Variants in NCKAP5 observed in about 807,000 individuals in gnomAD.
NCKAP5 encodes NCK associated protein 5.
NCKAP5 carries 92 observed loss-of-function variants against 167.0 expected under a neutral mutation model. The ratio of observed to expected loss-of-function variants is 0.55; its 90% CI spans 0.47 to 0.66. The LOEUF (loss-of-function observed/expected upper bound fraction) is 0.66. Ranked by LOEUF, NCKAP5 falls within the 30% of genes least tolerant of loss-of-function variation. NCKAP5 has a pLI of 0.00. For missense variants in NCKAP5, 2,378 were observed against 2,315.0 expected (o/e 1.03, Z -0.56); for synonymous variants, 891 against 877.4 (o/e 1.02, Z -0.27).
At chr2:133,667,525 C>T in the NCKAP5 span, among the ~76,000 whole-genome samples, 6 of 152,038 alleles carry the variant, frequency 3.9e-5, no homozygotes, top group African/African-American at 1.5e-4. Flanking sequence ...GGCTGATTCC[C>T]TATCCTAACT....
At chr2:133,431,429 T>G (rs1227310515) in intron 3 of NCKAP5, among the ~76,000 whole-genome samples, 1 of 152,132 alleles carries the variant, frequency 6.6e-6, no homozygotes, top group Non-Finnish European at 1.5e-5. Context: ...AGGAGAGAGG[T>G]GTAGACAACC....
At chr2:132,887,152 G>C (rs1692292310) in intron 8 of NCKAP5, among the ~76,000 whole-genome samples, 1 of 152,076 alleles carries the variant, frequency 6.6e-6, no homozygotes, top group Admixed American at 6.6e-5. Flanking sequence ...CAGAGTCTTT[G>C]AGATTGCAAA....
At chr2:133,102,219 T>TCTCTGCAAC (rs1380670035) in intron 6 of NCKAP5, among the ~76,000 whole-genome samples, 1 of 152,196 alleles carries the variant, frequency 6.6e-6, no homozygotes, top group African/African-American at 2.4e-5. Context: ...CGATCTCGGC[T>TCTCTGCAAC]CTCTGCAACC....
At chr2:132,951,593 T>A (rs1448386172) in intron 8 of NCKAP5, among the ~76,000 whole-genome samples, 1 of 152,186 alleles carries the variant, frequency 6.6e-6, no homozygotes, top group Non-Finnish European at 1.5e-5. Flanking sequence ...ATGAATTAGA[T>A]CACCCTCAAA....
At chr2:132,956,491 A>G (rs1300924432) in intron 8 of NCKAP5, among the ~76,000 whole-genome samples, 2 of 152,166 alleles carry the variant, frequency 1.3e-5, no homozygotes, top group African/African-American at 2.4e-5. Context: ...TCATCTCCCT[A>G]GCCTGCTTGC....
chr2:133,095,246 T>A (rs2081308526), intron 6 of NCKAP5, among the ~76,000 whole-genome samples: 1 of 152,260 alleles, frequency 6.6e-6, no homozygotes, highest in African/African-American at 2.4e-5. Context: ...TAGGAATCTA[T>A]GTGAATTAAT....
At chr2:133,086,754 C>T (rs1446417392) in intron 6 of NCKAP5, among the ~76,000 whole-genome samples, 1 of 151,976 alleles carries the variant, frequency 6.6e-6, no homozygotes, top group Non-Finnish European at 1.5e-5. Context: ...AGAAATAAAA[C>T]TAACTTTTCA....
At chr2:132,720,152 C>T (rs1326978582) in intron 19 of NCKAP5, among the ~76,000 whole-genome samples, 1 of 152,182 alleles carries the variant, frequency 6.6e-6, no homozygotes, top group Non-Finnish European at 1.5e-5. Flanking sequence ...CTGTTGTCCC[C>T]CGCACATGCC....
intron 16 of NCKAP5, among the ~76,000 whole-genome samples, chr2:132,766,441 C>A (rs753822771): frequency 1.3e-5 from 2 of 152,102 alleles, no homozygotes; most frequent in African/African-American, 4.8e-5. Context: ...CTTATTTAAA[C>A]CATGGCACTT....
At position 133,284,976 on chromosome 2, in the gene NCKAP5, A is replaced by G. The variant is rs540143763; in HGVS notation, c.143+18061T>C. On this transcript the variant is annotated intron_variant, in intron 4 of 19. Transcript: ENST00000409261. ...AGAGCATGCCCATTCCCAACCCACA[A>G]TGGAATGTGAGCCTAATTACATGTT... 3.9e-5 allele frequency among the ~76,000 whole-genome samples: 6 copies of G among 152,308 alleles called. No homozygotes were observed. In the East Asian group the frequency reaches 5.8e-4, roughly 15 times the overall value.
chr2:133,261,159 G>C (rs976731249), intron 4 of NCKAP5, among the ~76,000 whole-genome samples: 1 of 152,058 alleles, frequency 6.6e-6, no homozygotes, highest in African/African-American at 2.4e-5. Flanking sequence ...CTTTTCTCTC[G>C]CATTTCTATA....
chr2:132,709,735 C>A (rs909057575), intron 19 of NCKAP5, among the ~76,000 whole-genome samples: 16 of 151,890 alleles, frequency 1.1e-4, no homozygotes, highest in Non-Finnish European at 2.4e-4. Context: ...AACATCAAAC[C>A]CTGATATATT....
chr2:132,784,144 C>T lies in NCKAP5; in HGVS notation c.2667G>A (p.Lys889=), dbSNP rs1683332834. The change falls in exon 14 of 20, where the codon AAG becomes AAA. Residue 889 remains lysine (K), a synonymous_variant. Transcript: ENST00000409261. Reference sequence around the variant, plus strand: ...TTGACCGTGACCCTGGAGTCTGACTCTTGGGGCACTGGACCCAGTCCCTCC... The same window carrying T: ...TTGACCGTGACCCTGGAGTCTGACTTTTGGGGCACTGGACCCAGTCCCTCC... ...PSRRDWVQCP[K]SQTPGSRSRP... 5.2e-6 allele frequency: 8 copies of T among 1,526,910 alleles called. No individual in the cohort carries two copies. The highest frequency in any genetic ancestry group is 6.1e-6 in the Non-Finnish European group (7 of 1,140,224). The allele number at this position is 1,526,910 out of a possible 1,614,324, so 94.6% of individuals were successfully genotyped here.
At chr2:133,382,518 C>G (rs1574842531) in intron 3 of NCKAP5, among the ~76,000 whole-genome samples, 1 of 152,148 alleles carries the variant, frequency 6.6e-6, no homozygotes, top group East Asian at 1.9e-4. Context: ...TCTCTGCACA[C>G]CACACTGGTC....
chr2:132,981,951 C>A (rs1300834355), intron 7 of NCKAP5, among the ~76,000 whole-genome samples: 1 of 152,150 alleles, frequency 6.6e-6, no homozygotes, highest in African/African-American at 2.4e-5. Flanking sequence ...GCGTCTCCTG[C>A]CTAGGAATCT....
the NCKAP5 span, among the ~76,000 whole-genome samples, chr2:133,631,540 A>G: frequency 6.6e-6 from 1 of 152,152 alleles, no homozygotes; most frequent in African/African-American, 2.4e-5. Context: ...CCTTAAAGAG[A>G]TGTGATGTTA....
At chr2:132,963,092 A>G (rs1247807038) in intron 8 of NCKAP5, among the ~76,000 whole-genome samples, 1 of 151,936 alleles carries the variant, frequency 6.6e-6, no homozygotes, top group Non-Finnish European at 1.5e-5. Context: ...ATGGTCTTTG[A>G]TGACTGCTAT....
chr2:132,838,357 C>G (rs1010156863), intron 11 of NCKAP5, among the ~76,000 whole-genome samples: 4 of 152,090 alleles, frequency 2.6e-5, no homozygotes, highest in African/African-American at 9.7e-5. Flanking sequence ...CGGGGCCGGG[C>G]GCGGTGGTTC....
At chr2:133,489,113 G>A (rs1471656186) in intron 3 of NCKAP5, among the ~76,000 whole-genome samples, 2 of 152,222 alleles carry the variant, frequency 1.3e-5, no homozygotes, top group African/African-American at 2.4e-5. Flanking sequence ...GGTAGTTAAG[G>A]GGGACATAGT....
Sources: gnomAD v4.1 joint callset for allele counts (sites outside exome capture counted in the v4.1 genomes callset) on GRCh38, gnomAD v4.1.1 for gene constraint, MANE v1.5 for transcripts, NCBI Gene and HGNC (gene_info 2026-07-23, HGNC 2026-07-21) for gene names.